PLCE1: variants seen among roughly 807,000 people sequenced by gnomAD.
PLCE1 encodes 1-phosphatidylinositol 4,5-bisphosphate phosphodiesterase epsilon-1.
Under a neutral mutation model 242.8 loss-of-function variants are expected in PLCE1, and 119 were observed. The observed-to-expected ratio is 0.49, with a 90% CI of 0.42 to 0.57. PLCE1 has a LOEUF of 0.57. PLCE1 is among the 20% of genes least tolerant of loss of function. The probability of loss-of-function intolerance (pLI) is 0.00; values close to 1 mark genes in which losing one functional copy is unlikely to be tolerated. For synonymous variants in PLCE1, 945 were observed against 1,017.4 expected (o/e 0.93, Z 1.35); for missense variants, 2,441 against 2,788.8 (o/e 0.88, Z 2.81).
At chr10:94,038,348 C>G (rs1169918767) in intron 2 of PLCE1, among the ~76,000 whole-genome samples, 2 of 152,176 alleles carry the variant, frequency 1.3e-5, no homozygotes, top group African/African-American at 4.8e-5. Context: ...CGGTGCTGGG[C>G]TTATTTTCTG....
intron 2 of PLCE1, among the ~76,000 whole-genome samples, chr10:94,082,944 A>AT (rs1352884978): frequency 4.6e-5 from 7 of 152,356 alleles, no homozygotes; most frequent in Non-Finnish European, 8.8e-5. Context: ...AAATACAGAG[A>AT]TTTTTAGGTA....
At chr10:94,068,422 A>G (rs907946411) in intron 2 of PLCE1, among the ~76,000 whole-genome samples, 1 of 152,224 alleles carries the variant, frequency 6.6e-6, no homozygotes, top group African/African-American at 2.4e-5. Flanking sequence ...TACAAATAAA[A>G]CAATGCAACA....
intron 2 of PLCE1, among the ~76,000 whole-genome samples, chr10:94,045,810 C>A (rs2061870513): frequency 6.6e-6 from 1 of 152,012 alleles, no homozygotes; most frequent in Non-Finnish European, 1.5e-5. Context: ...CTGTAAATAA[C>A]CTTGGTTGGG....
chr10:94,205,808 A>T (rs929043411), intron 4 of PLCE1, among the ~76,000 whole-genome samples: 2 of 151,980 alleles, frequency 1.3e-5, no homozygotes, highest in African/African-American at 2.4e-5. Flanking sequence ...TTGGAAGTGA[A>T]CTCTTCCTCC....
chr10:94,067,142 G>C (rs2044219236), intron 2 of PLCE1, among the ~76,000 whole-genome samples: 1 of 152,138 alleles, frequency 6.6e-6, no homozygotes, highest in Non-Finnish European at 1.5e-5. Flanking sequence ...ACCAGACCCT[G>C]TTACCTCAGA....
chr10:94,213,843 C>T (rs1804613507), intron 4 of PLCE1, among the ~76,000 whole-genome samples: 1 of 152,208 alleles, frequency 6.6e-6, no homozygotes, highest in East Asian at 1.9e-4. Context: ...TGAGCACATA[C>T]TACTCCTCTC....
chr10:94,160,142 G>A (rs961207166), intron 3 of PLCE1, among the ~76,000 whole-genome samples: 8 of 152,194 alleles, frequency 5.3e-5, no homozygotes, highest in South Asian at 2.1e-4. Flanking sequence ...CCAGGAATGG[G>A]ATGGCTGGGT....
intron 2 of PLCE1, among the ~76,000 whole-genome samples, chr10:94,079,856 A>G (rs1273058045): frequency 6.6e-6 from 1 of 152,210 alleles, no homozygotes; most frequent in Non-Finnish European, 1.5e-5. Flanking sequence ...TCCAAAAAGC[A>G]TATGCAAGGA....
intron 3 of PLCE1, among the ~76,000 whole-genome samples, chr10:94,163,488 T>TG (rs1256774782): frequency 0.015 from 2,272 of 152,274 alleles, 65 homozygotes; most frequent in African/African-American, 0.051. Context: ...CCCCTGCCTT[T>TG]TTTTGTTTTC....
intron 23 of PLCE1, among the ~76,000 whole-genome samples, chr10:94,296,966 C>G (rs939702883): frequency 6.6e-6 from 1 of 151,992 alleles, no homozygotes; most frequent in Non-Finnish European, 1.5e-5. Context: ...CTCCACCTCC[C>G]GGGTTCAAGC....
chr10:94,032,006 G>A lies in PLCE1; in HGVS notation c.960G>A (p.Glu320=), dbSNP rs17109674. Reference sequence around the variant, plus strand: ...AAGACGCTTTTAAAAGCAAAAAGGAGCGATCCACTTTGTTAGTCAGGAGAT... The same window carrying A: ...AAGACGCTTTTAAAAGCAAAAAGGAACGATCCACTTTGTTAGTCAGGAGAT... ...VEEDAFKSKK[E]RSTLLVRRFC... Residue 320 remains glutamate, a synonymous_variant, in exon 2 of 33, where the codon GAG becomes GAA. Coordinates refer to ENST00000371380, the MANE Select transcript of PLCE1 (RefSeq NM_016341.4). 0.27 allele frequency: 440,137 copies of A among 1,612,982 alleles called. 63,676 individuals carry two copies. Among genetic ancestry groups the A allele is most frequent in the African/African-American group, 0.48 (35,856 of 74,892 alleles).
intron 4 of PLCE1, among the ~76,000 whole-genome samples, chr10:94,174,315 T>C (rs1343938787): frequency 6.6e-6 from 1 of 152,172 alleles, no homozygotes; most frequent in Non-Finnish European, 1.5e-5. Context: ...CACTTACTTA[T>C]AGAAAAATTT....
intron 23 of PLCE1, 107 bp downstream of exon 23, chr10:94,293,746 AC>A: frequency 7.9e-7 from 1 of 1,266,652 alleles, no homozygotes; most frequent in Non-Finnish European, 1.1e-6. Flanking sequence ...TTTTTCCTGA[AC>A]ATTAATATTG....
intron 2 of PLCE1, among the ~76,000 whole-genome samples, chr10:94,044,836 A>G (rs1032288922): frequency 1.3e-5 from 2 of 152,158 alleles, no homozygotes; most frequent in Admixed American, 1.3e-4. Context: ...GGATTCATAC[A>G]TTATATGCTC....
At chr10:94,090,374 T>C (rs972010629) in intron 2 of PLCE1, among the ~76,000 whole-genome samples, 1 of 152,178 alleles carries the variant, frequency 6.6e-6, no homozygotes, top group Non-Finnish European at 1.5e-5. Flanking sequence ...AGTGTTAGGG[T>C]TAAAAATTTC....
At chr10:94,226,450 T>C (rs1400011758) in intron 4 of PLCE1, among the ~76,000 whole-genome samples, 1 of 152,152 alleles carries the variant, frequency 6.6e-6, no homozygotes, top group African/African-American at 2.4e-5. Flanking sequence ...TTGTGAGAGA[T>C]AAATGAGGTA....
At chr10:94,111,722 T>C (rs985003882) in intron 2 of PLCE1, among the ~76,000 whole-genome samples, 11 of 152,202 alleles carry the variant, frequency 7.2e-5, no homozygotes, top group African/African-American at 2.7e-4. Context: ...TAGAAGTGGA[T>C]CAAAGAATGT....
intron 18 of PLCE1, 59 bp downstream of exon 18, chr10:94,270,661 G>C (rs548519559): frequency 1.9e-6 from 2 of 1,044,526 alleles, no homozygotes; most frequent in Non-Finnish European, 1.5e-6. Context: ...AATTGTCATT[G>C]GGTTGTTTTG....
chr10:94,009,049 T>A (rs2061110630), intron 1 of PLCE1, among the ~76,000 whole-genome samples: 1 of 152,218 alleles, frequency 6.6e-6, no homozygotes, highest in African/African-American at 2.4e-5. Context: ...CGTGAATTGC[T>A]ATAAAGAAAT....
Sources: allele counts gnomAD v4.1 joint callset (sites outside exome capture counted in the v4.1 genomes callset), GRCh38; gene constraint gnomAD v4.1.1; transcripts MANE v1.5; gene names NCBI Gene and HGNC (gene_info 2026-07-23, HGNC 2026-07-21).